The following PLD3 variants were observed in gnomAD, a reference collection of about 807,000 sequenced individuals.
PLD3 encodes the protein phospholipase D family member 3.
In PLD3, 31 loss-of-function variants were observed where a neutral mutation model predicts 58.4. That is an observed-to-expected ratio of 0.53 (90% CI 0.40 to 0.72). The LOEUF (loss-of-function observed/expected upper bound fraction) is 0.72, where lower values mean the gene tolerates loss of function less well. PLD3 is among the 30% of genes least tolerant of loss of function. The pLI, the probability that PLD3 is intolerant of heterozygous loss-of-function variation, is 0.00. For missense variants in PLD3, 595 were observed against 659.8 expected, an observed-to-expected ratio of 0.90 and a Z score of 1.08; for synonymous variants, 264 against 273.4, an observed-to-expected ratio of 0.97 and a Z score of 0.34.
rs10417488 is a variant in PLD3, at chr19:40,365,894, T to A, written c.-102T>A. ...GAAGCTGGGGCCCACCGGAGGTAGC[T>A]GCAGACGCCTGAGAGCGAGGCCGAG... is the stretch of plus-strand genomic sequence containing the variant. On this transcript the variant is annotated 5_prime_UTR_variant, in exon 2 of 13. Coordinates refer to ENST00000409735, the MANE Select transcript of PLD3 (RefSeq NM_012268.4). 130,352 of 154,646 alleles carry A rather than the reference T, an allele frequency of 0.84. 55,047 individuals carry two copies. The highest frequency in any genetic ancestry group is 0.88 in the Admixed American group (13,820 of 15,684). 9.6% of individuals were successfully genotyped at this position (154,646 alleles called of 1,614,324 possible).
chr19:40,369,614 T>C (rs1369611142), intron 6 of PLD3, among the ~76,000 whole-genome samples: 1 of 152,160 alleles, frequency 6.6e-6, no homozygotes, highest in African/African-American at 2.4e-5. Context: ...TACTGGGAGA[T>C]GCCTGGAGGC....
chr19:40,362,991 C>T (rs891914649), intron 1 of PLD3, among the ~76,000 whole-genome samples: 1 of 152,174 alleles, frequency 6.6e-6, no homozygotes, highest in African/African-American at 2.4e-5. Flanking sequence ...TCTGGAACTC[C>T]TGGGCTCAAG....
Position 40,348,735 on chromosome 19 carries a change from G to A in PLD3, c.-312G>A, listed in dbSNP as rs1480757552. The A allele has an allele frequency of 2.0e-6, 1 of 508,118 alleles. No homozygotes were observed. The highest frequency in any genetic ancestry group is 2.0e-5 in the African/African-American group (1 of 49,240). The allele number at this position is 508,118 out of a possible 1,614,324, so 31.5% of individuals were successfully genotyped here. A position where few individuals can be genotyped will look rare whatever the true frequency, so the allele number is the denominator to read the frequency against. On this transcript the variant is annotated 5_prime_UTR_variant, in exon 1 of 13. Transcript: ENST00000409735. ...GATACAGCCTGGAAGGTGCGTGTGG[G>A]GCTGGGTCTCGGAGTGGGAGACGTG...
chr19:40,362,040 T>C (rs2078799735), intron 1 of PLD3, among the ~76,000 whole-genome samples: 1 of 152,108 alleles, frequency 6.6e-6, no homozygotes, highest in Non-Finnish European at 1.5e-5. Flanking sequence ...TTTCGCCATG[T>C]TGGCCAGGCT....
chr19:40,363,127 C>T (rs1056370755), intron 1 of PLD3, among the ~76,000 whole-genome samples: 1 of 152,158 alleles, frequency 6.6e-6, no homozygotes, highest in Non-Finnish European at 1.5e-5. Context: ...GCTGCCAGCC[C>T]TGTTACTTCA....
chr19:40,366,388 C>T, intron 2 of PLD3, 31 bp from the exon 3 acceptor site: 1 of 1,021,058 alleles, frequency 9.8e-7, no homozygotes, highest in Non-Finnish European at 1.6e-6. Context: ...GCGTAGAACA[C>T]CCCACACAGT....
At chr19:40,376,810 G>T (rs1201739585) in intron 11 of PLD3, 36 bp downstream of exon 11, 1 of 1,581,144 alleles carries the variant, frequency 6.3e-7, no homozygotes, top group African/African-American at 1.3e-5. Context: ...TGGCCCCTGT[G>T]TGGGGCAGTC....
intron 7 of PLD3, 22 bp downstream of exon 7, chr19:40,370,050 G>A: frequency 6.4e-7 from 1 of 1,570,002 alleles, no homozygotes; most frequent in Non-Finnish European, 8.6e-7. Context: ...CCCAACTGGG[G>A]CTGGTCTGGG....
chr19:40,373,606 A>G (rs955427823), intron 9 of PLD3, among the ~76,000 whole-genome samples: 15 of 137,268 alleles, frequency 1.1e-4, no homozygotes, highest in Admixed American at 2.9e-4. Flanking sequence ...GAAGCGGGGG[A>G]GCGGGGGAAC....
rs374934757 is a variant in PLD3, at chr19:40,376,698, C to G, written c.1109C>G (p.Ser370Trp). The G allele has an allele frequency of 8.1e-6, 13 of 1,604,598 alleles. No individual in the cohort carries two copies. In the Middle Eastern group the frequency reaches 8.3e-4, roughly 102 times the overall value. Residue 370 changes from serine to tryptophan, a missense_variant, in exon 11 of 13, where the codon TCG becomes TGG. Ser to Trp is a radical substitution (Grantham distance 177). Coordinates refer to ENST00000409735, the MANE Select transcript of PLD3 (RefSeq NM_012268.4). ...CTGCTCATCAGCTGCTGGGGACACT[C>G]GGAGCCATCCATGCGGGCCTTCCTG... ...VRLLISCWGH[S>W]EPSMRAFLLS...
intron 1 of PLD3, among the ~76,000 whole-genome samples, chr19:40,350,206 G>A (rs1397442566): frequency 1.5e-5 from 2 of 137,766 alleles, no homozygotes; most frequent in African/African-American, 5.3e-5. Context: ...GTTGCAGTGA[G>A]CCTAGATCGT....
rs2079031275 is a variant in PLD3, at chr19:40,370,127, G to T, written c.568G>T (p.Val190Leu). ...GGTCACAGGTGCCCAGGTCCGCATG[G>T]TGGACATGCAGAAGCTGACCCATGG... is the stretch of plus-strand genomic sequence containing the variant. ...LLQSGAQVRMVDMQKLTHGVL... is the reference protein window; with the variant it reads ...LLQSGAQVRMLDMQKLTHGVL... The change falls in exon 8 of 13, where the codon GTG becomes TTG. Residue 190 changes from valine (V) to leucine (L), a missense_variant. Coordinates refer to ENST00000409735, the MANE Select transcript of PLD3 (RefSeq NM_012268.4). 1.9e-6 allele frequency: 3 copies of T among 1,612,726 alleles called. No individual in the cohort carries two copies. Among genetic ancestry groups the T allele is most frequent in the African/African-American group, 1.3e-5 (1 of 74,898 alleles).
At chr19:40,349,986 C>T (rs1487300959) in intron 1 of PLD3, among the ~76,000 whole-genome samples, 1 of 119,896 alleles carries the variant, frequency 8.3e-6, no homozygotes, top group Non-Finnish European at 1.7e-5. Context: ...ATAGGCCAGG[C>T]GCGGTGGCTC....
chr19:40,367,895 GC>G lies in PLD3; in HGVS notation c.429+19del. On this transcript the variant is annotated intron_variant, in intron 6 of 12. Coordinates refer to ENST00000409735, the MANE Select transcript of PLD3 (RefSeq NM_012268.4). ...TGCCCAGCAGGTACCTGCAACCTTG[GC>G]CCTGGCCGGCAGCAGGGGCAGGGGG... is the stretch of plus-strand genomic sequence containing the variant. 1 of 1,522,752 alleles carries G rather than the reference GC, an allele frequency of 6.6e-7. No homozygotes were observed. The highest frequency in any genetic ancestry group is 8.8e-7 in the Non-Finnish European group (1 of 1,134,052). The allele number at this position is 1,522,752 out of a possible 1,614,324, so 94.3% of individuals were successfully genotyped here. A position where few individuals can be genotyped will look rare whatever the true frequency, so the allele number is the denominator to read the frequency against.
In PLD3 at chr19:40,376,617, C is replaced by T. The variant is rs2079208981; in HGVS notation, c.1028C>T (p.Pro343Leu). 6.2e-7 allele frequency: 1 copy of T among 1,609,652 alleles called. No individual in the cohort carries two copies. Among genetic ancestry groups the T allele is most frequent in the African/African-American group, 1.3e-5 (1 of 74,932 alleles). The change falls in exon 11 of 13, where the codon CCT (proline) becomes CTT (leucine). Residue 343 changes from proline to leucine, a missense_variant. Coordinates refer to ENST00000409735, the MANE Select transcript of PLD3 (RefSeq NM_012268.4). Reference sequence around the variant, plus strand: ...TATACACCCGTCCTCAGGTTCTGGCCTGCCATTGACGATGGGCTGCGGCGG... The same window carrying T: ...TATACACCCGTCCTCAGGTTCTGGCTTGCCATTGACGATGGGCTGCGGCGG... ...LEFSHPHRFW[P>L]AIDDGLRRAT...
chr19:40,350,786 C>T (rs2078493506), intron 1 of PLD3, among the ~76,000 whole-genome samples: 2 of 151,300 alleles, frequency 1.3e-5, no homozygotes, highest in South Asian at 4.2e-4. Flanking sequence ...GTGTACTACA[C>T]TCTAGTGGGG....
intron 11 of PLD3, 94 bp downstream of exon 11, chr19:40,376,868 C>T (rs1396717813): frequency 8.3e-7 from 1 of 1,208,046 alleles, no homozygotes; most frequent in South Asian, 1.5e-5. Context: ...ACAAGGGCAG[C>T]CCAGAGTGAG....
intron 1 of PLD3, among the ~76,000 whole-genome samples, chr19:40,354,802 A>G (rs1231052744): frequency 6.6e-6 from 1 of 151,512 alleles, no homozygotes; most frequent in South Asian, 2.1e-4. Context: ...CTGGGATTAC[A>G]GGTGTGAGCC....
In PLD3 at chr19:40,366,699, CCACCCT is replaced by C; in HGVS notation, c.102+17_102+22del. On this transcript the variant is annotated intron_variant, in intron 4 of 12. Transcript: ENST00000409735. ...CTGCGGAAAAGGTAGGAGCCCTCCG[CCACCCT>C]CGCTCTGTCTCAGAGACAGGCTGGG... The C allele has an allele frequency of 1.2e-6, 2 of 1,612,188 alleles. No individual in the cohort carries two copies. Among genetic ancestry groups the C allele is most frequent in the Non-Finnish European group, 1.7e-6 (2 of 1,178,830 alleles).
Sources: allele counts gnomAD v4.1 joint callset (sites outside exome capture counted in the v4.1 genomes callset), GRCh38; gene constraint gnomAD v4.1.1; transcripts MANE v1.5; gene names NCBI Gene and HGNC (gene_info 2026-07-23, HGNC 2026-07-21).